ATP2C1: variants seen among roughly 807,000 people sequenced by gnomAD.
The protein encoded by ATP2C1 is ATPase secretory pathway Ca2+ transporting 1, also known as calcium-transporting ATPase type 2C member 1.
Under a neutral mutation model 120.5 loss-of-function variants are expected in ATP2C1, and 31 were observed. The observed-to-expected ratio is 0.26, with a 90% CI of 0.19 to 0.35. ATP2C1 has a LOEUF of 0.35. Among genes scored for constraint, ATP2C1 ranks in the 10% least tolerant of loss-of-function variants. ATP2C1 has a pLI of 1.00. For synonymous variants in ATP2C1, 351 were observed against 358.7 expected (o/e 0.98, Z 0.24); for missense variants, 731 against 1,107.5 (o/e 0.66, Z 4.83).
chr3:130,987,027 A>C (rs1431369774), intron 20 of ATP2C1, among the ~76,000 whole-genome samples: 1 of 151,552 alleles, frequency 6.6e-6, no homozygotes, highest in African/African-American at 2.4e-5. Flanking sequence ...GCTGCCCTGA[A>C]TTCCTGGGCC....
intron 1 of ATP2C1, among the ~76,000 whole-genome samples, chr3:130,882,176 C>T (rs1012936368): frequency 6.6e-6 from 1 of 151,760 alleles, no homozygotes; most frequent in Non-Finnish European, 1.5e-5. Context: ...CAGGGTAATA[C>T]TAGCTGTGTG....
At chr3:130,869,456 A>T (rs1428564080) in intron 1 of ATP2C1, 1 of 146,798 alleles carries the variant, frequency 6.8e-6, no homozygotes, top group Non-Finnish European at 1.5e-5. Flanking sequence ...AAAAAAAAAA[A>T]AAAGAAATGA....
intron 18 of ATP2C1, 123 bp from the exon 19 acceptor site, chr3:130,979,124 ATG>A: frequency 2.2e-6 from 2 of 897,578 alleles, no homozygotes; most frequent in Non-Finnish European, 3.5e-6. Context: ...GATTTTACAA[ATG>A]ACATTATAGT....
intron 5 of ATP2C1, 96 bp downstream of exon 5, chr3:130,934,807 T>G: frequency 1.2e-6 from 1 of 819,312 alleles, no homozygotes; most frequent in Non-Finnish European, 2.0e-6. Context: ...TGCTCTCAGA[T>G]TTTTTTCAGT....
At chr3:130,868,041 G>C (rs1234556710) in intron 1 of ATP2C1, 2 of 151,614 alleles carry the variant, frequency 1.3e-5, no homozygotes, top group Non-Finnish European at 2.9e-5. Flanking sequence ...GAAGTGAGGA[G>C]CCCCTCCGTC....
chr3:130,957,500 C>T (rs531230539), intron 11 of ATP2C1, among the ~76,000 whole-genome samples: 3 of 152,072 alleles, frequency 2.0e-5, no homozygotes, highest in Non-Finnish European at 4.4e-5. Flanking sequence ...CTTTAATTTT[C>T]TTACCGTGTT....
At chr3:130,922,336 T>G (rs2059008119) in intron 2 of ATP2C1, among the ~76,000 whole-genome samples, 1 of 152,232 alleles carries the variant, frequency 6.6e-6, no homozygotes, top group South Asian at 2.1e-4. Flanking sequence ...TGAGCTTATT[T>G]GGATCTTGTC....
At chr3:130,935,649 A>G (rs2059634603) in intron 5 of ATP2C1, among the ~76,000 whole-genome samples, 1 of 152,222 alleles carries the variant, frequency 6.6e-6, no homozygotes, top group Admixed American at 6.5e-5. Context: ...TCTTTCAATT[A>G]TAGACTTTTG....
intron 1 of ATP2C1, among the ~76,000 whole-genome samples, chr3:130,866,529 G>A (rs541164784): frequency 6.6e-6 from 1 of 152,158 alleles, no homozygotes; most frequent in Non-Finnish European, 1.5e-5. Flanking sequence ...TCCTGACCTG[G>A]AATAAGAAAA....
intron 1 of ATP2C1, among the ~76,000 whole-genome samples, chr3:130,867,269 T>A (rs2068209356): frequency 6.6e-6 from 1 of 151,898 alleles, no homozygotes; most frequent in Admixed American, 6.6e-5. Context: ...TACATTCCTC[T>A]CTTTAAATCA....
intron 1 of ATP2C1, among the ~76,000 whole-genome samples, chr3:130,867,810 G>A (rs1344490038): frequency 2.6e-5 from 3 of 116,532 alleles, no homozygotes; most frequent in Admixed American, 8.5e-5. Context: ...AGTGAGGAGC[G>A]TCTCTGCCCG....
intron 20 of ATP2C1, among the ~76,000 whole-genome samples, chr3:130,992,533 C>T (rs1209720440): frequency 6.6e-6 from 1 of 152,172 alleles, no homozygotes; most frequent in Non-Finnish European, 1.5e-5. Context: ...TAAAAAATGG[C>T]TCTACAGACA....
At chr3:130,870,959 A>G (rs969185241) in intron 1 of ATP2C1, among the ~76,000 whole-genome samples, 1 of 152,196 alleles carries the variant, frequency 6.6e-6, no homozygotes, top group Non-Finnish European at 1.5e-5. Context: ...CGCCACTTCA[A>G]CTTTCAGCAA....
intron 26 of ATP2C1, among the ~76,000 whole-genome samples, chr3:130,998,767 G>A (rs562470350): frequency 6.6e-5 from 10 of 152,254 alleles, no homozygotes; most frequent in African/African-American, 2.4e-4. Context: ...TATAAGAGCA[G>A]TTATGTGCCT....
intron 12 of ATP2C1, 181 bp downstream of exon 12, chr3:130,959,522 A>T (rs2060725885): frequency 2.3e-6 from 1 of 439,850 alleles, no homozygotes; most frequent in Non-Finnish European, 4.2e-6. Context: ...AAATGTATGT[A>T]TATGGTAATG....
At chr3:130,935,344 C>CT (rs1428481748) in intron 5 of ATP2C1, among the ~76,000 whole-genome samples, 2 of 152,030 alleles carry the variant, frequency 1.3e-5, no homozygotes, top group Admixed American at 6.5e-5. Flanking sequence ...AAAAATATTC[C>CT]TTATAGTGCA....
At chr3:130,872,715 G>C (rs57136863) in intron 1 of ATP2C1, among the ~76,000 whole-genome samples, 4,549 of 152,040 alleles carry the variant, frequency 0.03, 216 homozygotes, top group African/African-American at 0.099. Context: ...CTCCCGAGTA[G>C]CTGTGATTAC....
At position 130,934,698 on chromosome 3, in the gene ATP2C1, T is replaced by C. The variant is rs1437652972; in HGVS notation, c.311T>C (p.Val104Ala). The C allele has an allele frequency of 6.2e-7, 1 of 1,606,572 alleles. No individual in the cohort carries two copies. The highest frequency in any genetic ancestry group is 1.3e-5 in the African/African-American group (1 of 74,868). Residue 104 changes from valine to alanine, a missense_variant, in exon 5 of 28, where the codon GTC (valine) becomes GCC (alanine). Transcript: ENST00000510168. Reference protein sequence around the residue: ...SVLMHQFDDAVSITVAILIVV... With the variant: ...SVLMHQFDDAASITVAILIVV... ...TTAATGCATCAGTTTGATGATGCCG[T>C]CAGTATCACTGTGGTAAGAAAAAAA...
chr3:130,888,699 AG>A (rs2069062626), intron 1 of ATP2C1, among the ~76,000 whole-genome samples: 1 of 152,144 alleles, frequency 6.6e-6, no homozygotes, highest in Non-Finnish European at 1.5e-5. Context: ...GGCTGCTGCT[AG>A]GTTATGGGGA....
Sources: allele counts gnomAD v4.1 joint callset (sites outside exome capture counted in the v4.1 genomes callset), GRCh38; gene constraint gnomAD v4.1.1; transcripts MANE v1.5; gene names NCBI Gene and HGNC (gene_info 2026-07-23, HGNC 2026-07-21).